Variants in NAT9 observed in about 807,000 individuals in gnomAD.
The protein encoded by NAT9 is N-acetyltransferase 9.
A neutral mutation model predicts 24.0 loss-of-function variants in NAT9; 18 were observed. That is an observed-to-expected ratio of 0.75 (90% CI 0.52 to 1.11). The LOEUF is 1.11. NAT9 is among the 50% of genes most tolerant of loss of function. NAT9 has a pLI of 0.00. For synonymous variants in NAT9, 104 were observed against 102.3 expected, an observed-to-expected ratio of 1.02 and a Z score of -0.10; for missense variants, 254 against 258.6, an observed-to-expected ratio of 0.98 and a Z score of 0.12.
chr17:74,773,386 G>C, intron 3 of NAT9, 190 bp downstream of exon 3: 1 of 603,822 alleles, frequency 1.7e-6, no homozygotes, highest in Non-Finnish European at 2.9e-6. Context: ...GCAGTGGGTG[G>C]GGAAGAGGAC....
At chr17:74,774,551 C>CTCTT (rs1555603915) in intron 2 of NAT9, among the ~76,000 whole-genome samples, 15,471 of 130,012 alleles carry the variant, frequency 0.12, 1,166 homozygotes, top group African/African-American at 0.21. Flanking sequence ...AGGCTGGTCT[C>CTCTT]TTTTTTTTTT....
intron 3 of NAT9, 46 bp downstream of exon 3, chr17:74,773,530 G>A: frequency 6.6e-7 from 1 of 1,515,764 alleles, no homozygotes; most frequent in Non-Finnish European, 9.2e-7. Flanking sequence ...TGTGGAGTCA[G>A]CCCTCCCAGT....
Position 74,775,815 on chromosome 17 carries a change from T to C in NAT9, c.-9-108A>G, listed in dbSNP as rs1486288138. 7 of 793,690 alleles carry C rather than the reference T, an allele frequency of 8.8e-6. No homozygotes were observed. The African/African-American group carries it at 1.2e-4, about 14-fold the overall frequency. The allele number at this position is 793,690 out of a possible 1,614,324, so 49.2% of individuals were successfully genotyped here. A position where few individuals can be genotyped will look rare whatever the true frequency, so the allele number is the denominator to read the frequency against. Reference sequence around the variant, plus strand: ...GGCTAAGTTGACTTCCGTCATTAGTTCCGTCTAGACACTTCAAAGAATACA... The same window carrying C: ...GGCTAAGTTGACTTCCGTCATTAGTCCCGTCTAGACACTTCAAAGAATACA... On this transcript the variant is annotated intron_variant, in intron 1 of 6. Coordinates refer to ENST00000357814, the MANE Select transcript of NAT9 (RefSeq NM_015654.5).
chr17:74,775,805 C>T, intron 1 of NAT9, 98 bp from the exon 2 acceptor site: 1 of 877,744 alleles, frequency 1.1e-6, no homozygotes, highest in South Asian at 1.5e-5. Flanking sequence ...AGTTGACTTC[C>T]GTCATTAGTT....
At position 74,771,850 on chromosome 17, in the gene NAT9, C is replaced by T. The variant is rs772560561; in HGVS notation, c.498G>A (p.Thr166=). The change falls in exon 7 of 7, where the codon ACG becomes ACA. Residue 166 remains threonine, a synonymous_variant. Coordinates refer to ENST00000357814, the MANE Select transcript of NAT9 (RefSeq NM_015654.5). ...FQKLHFEQVA[T]SSVFQEVTLR... is the part of the protein sequence containing the mutation. ...GGGTCACCTCCTGAAAAACACTGCT[C>T]GTAGCCACCTACGTGAGCCAGAGAG... 6 of 1,614,212 alleles carry T rather than the reference C, an allele frequency of 3.7e-6. No homozygotes were observed. The South Asian group carries it at 4.4e-5, about 12-fold the overall frequency.
Position 74,771,551 on chromosome 17 carries a change from C to A in NAT9, c.*173G>T, listed in dbSNP as rs1437980839. The A allele has an allele frequency of 1.6e-5, 17 of 1,066,768 alleles. No individual in the cohort carries two copies. Among genetic ancestry groups the A allele is most frequent in the Non-Finnish European group, 2.2e-5 (17 of 756,964 alleles). 66.1% of individuals were successfully genotyped at this position (1,066,768 alleles called of 1,614,324 possible). ...GGCCCTGGCCCTGGAGTCTGCTCAG[C>A]CACACCACTAGCTGGAGGGAGGCCA... On this transcript the variant is annotated 3_prime_UTR_variant, in exon 7 of 7. Transcript: ENST00000357814.
rs1026911326 is a variant in NAT9 at position 74,772,602 on chromosome 17, G to A, written c.334+294C>T. ...CTGTAATATGACAACATGCTCCAGA[G>A]ACCTTTTTCTGAGGGTCCCCAGCCC... is the stretch of plus-strand genomic sequence containing the variant. On this transcript the variant is annotated intron_variant, in intron 4 of 6. Coordinates refer to ENST00000357814, the MANE Select transcript of NAT9 (RefSeq NM_015654.5). 12 of 1,395,432 alleles carry A rather than the reference G, an allele frequency of 8.6e-6. No individual in the cohort carries two copies. In the African/African-American group the frequency reaches 1.3e-4, roughly 15 times the overall value. 86.4% of individuals were successfully genotyped at this position (1,395,432 alleles called of 1,614,324 possible).
chr17:74,775,179 G>T (rs1447784846), intron 2 of NAT9, among the ~76,000 whole-genome samples: 3 of 147,750 alleles, frequency 2.0e-5, no homozygotes, highest in African/African-American at 7.5e-5. Flanking sequence ...GTTTGTTTTT[G>T]TTTTTTTGTT....
In NAT9 at chr17:74,773,002, C is replaced by T. The variant is rs756271229; in HGVS notation, c.228G>A (p.Gln76=). 3.7e-6 allele frequency: 6 copies of T among 1,613,994 alleles called. No homozygotes were observed. The highest frequency in any genetic ancestry group is 2.2e-5 in the South Asian group (2 of 91,056). Residue 76 remains glutamine, a synonymous_variant, in exon 4 of 7, where the codon CAG becomes CAA. Coordinates refer to ENST00000357814, the MANE Select transcript of NAT9 (RefSeq NM_015654.5). ...TFIVLDAEKW[Q]AQPGATEESC... ...TCTCTTCGGTGGCGCCTGGCTGGGCCTGCCACTTCTCGGCATCCAGCACAA... is the reference window on the plus strand; with the variant it reads ...TCTCTTCGGTGGCGCCTGGCTGGGCTTGCCACTTCTCGGCATCCAGCACAA...
rs764761275 is a variant in NAT9, at chr17:74,775,699, G to A, written c.-1C>T. 5.0e-6 allele frequency: 8 copies of A among 1,614,008 alleles called. No homozygotes were observed. Among genetic ancestry groups the A allele is most frequent in the Non-Finnish European group, 6.8e-6 (8 of 1,179,902 alleles). Reference sequence around the variant, plus strand: ...GCAAGGTGTTCTGATTCAACCTCATGGTAGCAGCCTGCATGCAGATGGGGA... The same window carrying A: ...GCAAGGTGTTCTGATTCAACCTCATAGTAGCAGCCTGCATGCAGATGGGGA... On this transcript the variant is annotated 5_prime_UTR_variant, in exon 2 of 7. Coordinates refer to ENST00000357814, the MANE Select transcript of NAT9 (RefSeq NM_015654.5).
In NAT9 at chr17:74,772,052, C is replaced by T. The variant is rs142832529; in HGVS notation, c.397G>A (p.Val133Met). Reference protein sequence around the residue: ...EAVLAMLSYGVTTLGLTKFEA... With the variant: ...EAVLAMLSYGMTTLGLTKFEA... ...AACTTGGTCAGACCTAGCGTGGTCACTCCTCGCAGAGGAGATGAGACAGGG... is the reference window on the plus strand; with the variant it reads ...AACTTGGTCAGACCTAGCGTGGTCATTCCTCGCAGAGGAGATGAGACAGGG... Residue 133 changes from valine (V) to methionine (M), a missense_variant and splice_region_variant, in exon 6 of 7, where the codon GTG becomes ATG. Physicochemically the swap from Val to Met is conservative, Grantham distance 21 (BLOSUM62 1). Coordinates refer to ENST00000357814, the MANE Select transcript of NAT9 (RefSeq NM_015654.5). The T allele has an allele frequency of 3.4e-4, 556 of 1,614,240 alleles. No homozygotes were observed. The highest frequency in any genetic ancestry group is 1.3e-3 in the Middle Eastern group (8 of 6,062).
chr17:74,772,558 G>GA (rs71361635), intron 4 of NAT9: 116,511 of 1,406,014 alleles, frequency 0.083, 6,054 homozygotes, highest in African/African-American at 0.24. Context: ...TGAAGGAGCA[G>GA]AAACAGGAGG....
Position 74,772,231 on chromosome 17 carries a change from C to A in NAT9, c.381G>T (p.Ala127=), listed in dbSNP as rs1480032146. The A allele has an allele frequency of 1.4e-5, 23 of 1,614,242 alleles. No individual in the cohort carries two copies. The highest frequency in any genetic ancestry group is 1.9e-5 in the Non-Finnish European group (22 of 1,180,044). ...ACACTTTCTTACCGTAAGACAGCAT[C>A]GCGAGAACGGCCTCAGTGCCAAGGC... ...GKGLGTEAVL[A]MLSYGVTTLG... The change falls in exon 5 of 7, where the codon GCG becomes GCT. Residue 127 remains alanine, a synonymous_variant. Transcript: ENST00000357814.
chr17:74,772,981 T>C lies in NAT9; in HGVS notation c.249A>G (p.Glu83=). The C allele has an allele frequency of 6.2e-7, 1 of 1,614,058 alleles. No homozygotes were observed. ...EKWQAQPGAT[E]ESCMVGDVNL... ...TCACATCTCCCACCATGCAGCTCTC[T>C]TCGGTGGCGCCTGGCTGGGCCTGCC... The change falls in exon 4 of 7, where the codon GAA becomes GAG. Residue 83 remains glutamate (E), a synonymous_variant. Coordinates refer to ENST00000357814, the MANE Select transcript of NAT9 (RefSeq NM_015654.5).
chr17:74,775,872 G>A, intron 1 of NAT9, 165 bp from the exon 2 acceptor site: 6 of 553,832 alleles, frequency 1.1e-5, no homozygotes, highest in East Asian at 8.8e-5. Flanking sequence ...AAGAGAACCA[G>A]GCTGGTTAAG....
In NAT9 at chr17:74,770,704, A is replaced by G. The variant is rs1308166737; in HGVS notation, c.*1020T>C. 6.6e-6 allele frequency: 1 copy of G among 152,156 alleles called. No homozygotes were observed. The highest frequency in any genetic ancestry group is 1.5e-5 in the Non-Finnish European group (1 of 68,022). 9.4% of individuals were successfully genotyped at this position (152,156 alleles called of 1,614,324 possible). ...TTTCCCCACCTGGAAGATGCCCTAC[A>G]AGCCTCCTGTGGCTGTGTTTAGAAA... is the stretch of plus-strand genomic sequence containing the variant. On this transcript the variant is annotated 3_prime_UTR_variant, in exon 7 of 7. Coordinates refer to ENST00000357814, the MANE Select transcript of NAT9 (RefSeq NM_015654.5).
chr17:74,772,376 T>C (rs2035344887), intron 4 of NAT9, 99 bp from the exon 5 acceptor site: 1 of 1,511,288 alleles, frequency 6.6e-7, no homozygotes, highest in African/African-American at 1.4e-5. Flanking sequence ...AACTCTGAAG[T>C]TGCTACTATC....
chr17:74,775,127 T>C lies in NAT9; in HGVS notation c.77+495A>G, dbSNP rs112386054. Among the ~76,000 whole-genome samples the C allele has an allele frequency of 2.2e-3, 329 of 152,294 alleles. 2 individuals are homozygous for C. Among genetic ancestry groups the C allele is most frequent in the South Asian group, 5.2e-3 (25 of 4,834 alleles). ...GCCTCAGCCTCCCAAAGTGCTGGGATTACAGGCGTGAGCCACCGCACCCGG... is the reference window on the plus strand; with the variant it reads ...GCCTCAGCCTCCCAAAGTGCTGGGACTACAGGCGTGAGCCACCGCACCCGG... On this transcript the variant is annotated intron_variant, in intron 2 of 6. Transcript: ENST00000357814.
At chr17:74,772,822 T>G in intron 4 of NAT9, 74 bp downstream of exon 4, 2 of 1,592,516 alleles carry the variant, frequency 1.3e-6, no homozygotes, top group African/African-American at 2.7e-5. Context: ...GCCCACCCTT[T>G]GCAGCCTCGG....
Sources: gnomAD v4.1 joint callset for allele counts (sites outside exome capture counted in the v4.1 genomes callset) on GRCh38, gnomAD v4.1.1 for gene constraint, MANE v1.5 for transcripts, NCBI Gene and HGNC (gene_info 2026-07-23, HGNC 2026-07-21) for gene names.